The following FCRL3 variants were observed in gnomAD, a reference collection of about 807,000 sequenced individuals.
FCRL3 encodes the protein Fc receptor like 3, also known as Fc receptor-like protein 3.
FCRL3 carries 89 observed loss-of-function variants against 75.0 expected under a neutral mutation model. The observed-to-expected ratio is 1.19, with a 90% CI of 1.00 to 1.42. FCRL3 has a LOEUF of 1.42. Among genes scored for constraint, FCRL3 ranks in the 40% most tolerant of loss-of-function variants. The pLI is 0.00. For missense variants in FCRL3, 946 were observed against 880.0 expected, an observed-to-expected ratio of 1.07 and a Z score of -0.95; for synonymous variants, 376 against 348.5, an observed-to-expected ratio of 1.08 and a Z score of -0.88.
chr1:157,697,951 T>A, intron 4 of FCRL3, 32 bp from the exon 5 acceptor site: 1 of 1,602,912 alleles, frequency 6.2e-7, no homozygotes, highest in Non-Finnish European at 8.5e-7. Flanking sequence ...ACTCAGGTTA[T>A]CCCCTGCTGT....
chr1:157,692,501 G>C (rs1479916438), intron 8 of FCRL3, among the ~76,000 whole-genome samples: 1 of 152,210 alleles, frequency 6.6e-6, no homozygotes, highest in Admixed American at 6.5e-5. Flanking sequence ...CTCCCAAAGT[G>C]CTGGGATTAC....
At chr1:157,683,621 G>A (rs1654986592) in intron 10 of FCRL3, among the ~76,000 whole-genome samples, 1 of 152,204 alleles carries the variant, frequency 6.6e-6, no homozygotes, top group Non-Finnish European at 1.5e-5. Context: ...GAGGGGCCAA[G>A]GGATGCTCAA....
intron 11 of FCRL3, among the ~76,000 whole-genome samples, chr1:157,682,766 C>T (rs1026327000): frequency 1.3e-5 from 2 of 152,226 alleles, no homozygotes; most frequent in Non-Finnish European, 2.9e-5. Flanking sequence ...ACCTTTCCTG[C>T]AAGATGCCAT....
At position 157,697,852 on chromosome 1, in the gene FCRL3, C is replaced by T; in HGVS notation, c.366G>A (p.Gly122=). Residue 122 remains glycine (G), a synonymous_variant, in exon 5 of 15, where the codon GGG becomes GGA. Coordinates refer to ENST00000368184, the MANE Select transcript of FCRL3 (RefSeq NM_052939.4). ...TTTGATGAGTGTTTTTGTTGTCTTT[C>T]CCCTGACATCTCAGAATGACATTGT... ...EGDNVILRCQ[G]KDNKNTHQKV... The T allele has an allele frequency of 4.3e-6, 7 of 1,614,066 alleles. No individual in the cohort carries two copies. Among genetic ancestry groups the T allele is most frequent in the Non-Finnish European group, 5.9e-6 (7 of 1,180,014 alleles).
intron 6 of FCRL3, 200 bp downstream of exon 6, chr1:157,696,940 T>C (rs1450727665): frequency 4.8e-6 from 2 of 418,828 alleles, no homozygotes; most frequent in East Asian, 3.7e-5. Context: ...CAGTAACTGA[T>C]CAATAATTAC....
chr1:157,687,545 C>A (rs1655250021), intron 10 of FCRL3, among the ~76,000 whole-genome samples: 1 of 145,536 alleles, frequency 6.9e-6, no homozygotes, highest in Non-Finnish European at 1.5e-5. Context: ...TAGGTGCCCA[C>A]CAGTGGTAGA....
intron 13 of FCRL3, 136 bp from the exon 14 acceptor site, chr1:157,679,109 C>T: frequency 1.0e-6 from 1 of 967,976 alleles, no homozygotes; most frequent in Admixed American, 2.0e-5. Context: ...TGGATTCTTC[C>T]AAACCCACAT....
chr1:157,689,651 C>A, intron 10 of FCRL3, 147 bp downstream of exon 10: 1 of 1,024,012 alleles, frequency 9.8e-7, no homozygotes, highest in Non-Finnish European at 1.4e-6. Flanking sequence ...GTTTTTGCTA[C>A]AATTGCCTAC....
chr1:157,684,130 G>T (rs1655024493), intron 10 of FCRL3, among the ~76,000 whole-genome samples: 1 of 152,126 alleles, frequency 6.6e-6, no homozygotes, highest in Admixed American at 6.5e-5. Flanking sequence ...TCTAAAAGGA[G>T]ATTGCCTGTT....
intron 9 of FCRL3, 116 bp from the exon 10 acceptor site, chr1:157,690,033 A>C: frequency 6.8e-7 from 1 of 1,474,330 alleles, no homozygotes; most frequent in Non-Finnish European, 9.2e-7. Flanking sequence ...CATCATTTGT[A>C]ATTTTCAAAA....
chr1:157,681,208 A>G (rs1045422086), intron 11 of FCRL3, 109 bp from the exon 12 acceptor site: 1 of 607,442 alleles, frequency 1.6e-6, no homozygotes, highest in Non-Finnish European at 2.6e-6. Context: ...TCAAGTAAAA[A>G]TATTGTGTCT....
intron 13 of FCRL3, among the ~76,000 whole-genome samples, chr1:157,679,828 C>CAAAAAAAAA (rs879258382): frequency 0.014 from 382 of 27,866 alleles, 37 homozygotes; most frequent in East Asian, 0.038. Flanking sequence ...GACCCCATCT[C>CAAAAAAAAA]ACAAAAAAAA....
intron 11 of FCRL3, 128 bp from the exon 12 acceptor site, chr1:157,681,227 T>C (rs1806798): frequency 0.24 from 115,691 of 483,490 alleles, 14,928 homozygotes; most frequent in Middle Eastern, 0.37. Context: ...CTGCTTCTGC[T>C]TGGGTCTTTT....
rs1557817279 is a variant in FCRL3, at chr1:157,677,000, C to T, written c.*1710G>A. 1 of 1,323,022 alleles carries T rather than the reference C, an allele frequency of 7.6e-7. No individual in the cohort carries two copies. The highest frequency in any genetic ancestry group is 1.5e-5 in the African/African-American group (1 of 67,384). 82.0% of individuals were successfully genotyped at this position (1,323,022 alleles called of 1,614,324 possible). A position where few individuals can be genotyped will look rare whatever the true frequency, so the allele number is the denominator to read the frequency against. On this transcript the variant is annotated 3_prime_UTR_variant, in exon 15 of 15. Transcript: ENST00000368184. ...GAAGACAGAGACATTTGCCTCCTCC[C>T]TCTTCAAGGGACCTTAAAATTTTAA... is the stretch of plus-strand genomic sequence containing the variant.
rs765861114 is a variant in FCRL3 at position 157,697,922 on chromosome 1, G to C, written c.299-3C>G. The C allele has an allele frequency of 4.3e-6, 7 of 1,613,084 alleles. No homozygotes were observed. In the South Asian group the frequency reaches 7.7e-5, roughly 18 times the overall value. On this transcript the variant is annotated splice_region_variant and splice_polypyrimidine_tract_variant and intron_variant, in intron 4 of 14. Transcript: ENST00000368184. ...TAAAGCCTGCAGGATCAGCCAGTCT[G>C]CAAAGAGCACAGGAGCACACTCAGG...
intron 7 of FCRL3, 68 bp from the exon 8 acceptor site, chr1:157,695,675 G>A (rs771821405): frequency 2.9e-5 from 44 of 1,497,692 alleles, no homozygotes; most frequent in Middle Eastern, 1.8e-4. Flanking sequence ...CTCTCAAGGA[G>A]CCTAGCAATG....
intron 4 of FCRL3, 70 bp from the exon 5 acceptor site, chr1:157,697,989 T>C: frequency 6.5e-7 from 1 of 1,536,896 alleles, no homozygotes. Context: ...TTTCCACCCA[T>C]GAGGCAAGAG....
intron 2 of FCRL3, 122 bp from the exon 3 acceptor site, chr1:157,699,834 C>T (rs1656199846): frequency 9.5e-7 from 1 of 1,057,840 alleles, no homozygotes. Flanking sequence ...TCATCCAGAG[C>T]CCCTAAACAA....
intron 11 of FCRL3, among the ~76,000 whole-genome samples, chr1:157,682,256 C>A (rs929323857): frequency 2.6e-5 from 4 of 152,112 alleles, no homozygotes; most frequent in African/African-American, 9.7e-5. Context: ...AATTAGATCC[C>A]ATTTGTCAAT....
Sources: allele counts gnomAD v4.1 joint callset (sites outside exome capture counted in the v4.1 genomes callset), GRCh38; gene constraint gnomAD v4.1.1; transcripts MANE v1.5; gene names NCBI Gene and HGNC (gene_info 2026-07-23, HGNC 2026-07-21).